Variants in ATP6V0A2 observed in about 807,000 individuals in gnomAD.
The protein encoded by ATP6V0A2 is V-type proton ATPase 116 kDa subunit a 2.
In ATP6V0A2, 58 loss-of-function variants were observed where a neutral mutation model predicts 104.4. The ratio of observed to expected loss-of-function variants is 0.56; its 90% CI spans 0.45 to 0.69. The LOEUF is 0.69. Ranked by LOEUF, ATP6V0A2 falls within the 30% of genes least tolerant of loss-of-function variation. The probability of loss-of-function intolerance (pLI) is 0.00; values close to 1 mark genes in which losing one functional copy is unlikely to be tolerated. For synonymous variants in ATP6V0A2, 376 were observed against 397.9 expected (o/e 0.95, Z 0.65); for missense variants, 938 against 1,062.9 (o/e 0.88, Z 1.63).
Position 123,712,456 on chromosome 12 carries a change from A to G in ATP6V0A2, c.-110A>G. The G allele has an allele frequency of 1.6e-6, 1 of 618,228 alleles. No individual in the cohort carries two copies. The highest frequency in any genetic ancestry group is 3.7e-5 in the East Asian group (1 of 26,908). The allele number at this position is 618,228 out of a possible 1,614,324, so 38.3% of individuals were successfully genotyped here. ...AGCCCCATAGTGCGGGGCCGCGGCC[A>G]GGCCACAGGAAGAGCTCGAGGCCCG... On this transcript the variant is annotated 5_prime_UTR_variant, in exon 1 of 20. Transcript: ENST00000330342.
At chr12:123,756,728 T>A in intron 18 of ATP6V0A2, 87 bp from the exon 19 acceptor site, 2 of 1,435,258 alleles carry the variant, frequency 1.4e-6, no homozygotes, top group Non-Finnish European at 2.0e-6. Context: ...TTCAGGGCCG[T>A]CAGGGGGAAA....
chr12:123,729,801 G>GTGAT (rs938518724), intron 6 of ATP6V0A2, among the ~76,000 whole-genome samples: 4 of 151,964 alleles, frequency 2.6e-5, no homozygotes, highest in Non-Finnish European at 5.9e-5. Context: ...AAATTTGGCT[G>GTGAT]TGATTGATTG....
rs80356753 is a variant in ATP6V0A2, at chr12:123,735,529, A to G, written c.732-2A>G. On this transcript the variant is annotated splice_acceptor_variant, in intron 7 of 19. Coordinates refer to ENST00000330342, the MANE Select transcript of ATP6V0A2 (RefSeq NM_012463.4). LOFTEE classifies it high-confidence loss of function. ...AGACTGTGTTCAACTCTTGTCTTCCAGCTACCACTGCCACGTGTACCCCTA... is the reference window on the plus strand; with the variant it reads ...AGACTGTGTTCAACTCTTGTCTTCCGGCTACCACTGCCACGTGTACCCCTA... The G allele has an allele frequency of 2.5e-6, 4 of 1,613,682 alleles. No homozygotes were observed. The highest frequency in any genetic ancestry group is 3.4e-6 in the Non-Finnish European group (4 of 1,179,658).
rs557202618 is a variant in ATP6V0A2, at chr12:123,740,960, T to A, written c.1039-2825T>A. On this transcript the variant is annotated intron_variant, in intron 9 of 19. Transcript: ENST00000330342. The stretch of plus-strand genomic sequence containing the variant: ...TTTTTCCTGTCCTGTATTTTTTTTT[T>A]AATTCTTTTAACTCCTTTTGAAACA... Among the ~76,000 whole-genome samples the A allele has an allele frequency of 2.6e-4, 39 of 152,294 alleles. No individual in the cohort carries two copies. The South Asian group carries it at 6.8e-3, about 27-fold the overall frequency.
Position 123,760,838 on chromosome 12 carries a change from T to C in ATP6V0A2, c.*2806T>C, listed in dbSNP as rs1425276155. 1 of 152,228 alleles carries C rather than the reference T, an allele frequency of 6.6e-6. No individual in the cohort carries two copies. The highest frequency in any genetic ancestry group is 1.5e-5 in the Non-Finnish European group (1 of 68,046). 9.4% of individuals were successfully genotyped at this position (152,228 alleles called of 1,614,324 possible). ...ACTCCTCTTTCGCTGAATGCTGCTC[T>C]GTTTCTGGAATGGATATTTTATAAC... On this transcript the variant is annotated 3_prime_UTR_variant, in exon 20 of 20. Transcript: ENST00000330342.
At chr12:123,727,747 T>C (rs1181707929) in intron 5 of ATP6V0A2, 36 bp from the exon 6 acceptor site, 1 of 1,613,282 alleles carries the variant, frequency 6.2e-7, no homozygotes, top group East Asian at 2.2e-5. Flanking sequence ...ATTTATTGCT[T>C]TCAGTTGACT....
At chr12:123,751,300 G>T (rs1593917653) in intron 16 of ATP6V0A2, 71 bp downstream of exon 16, 1 of 1,605,772 alleles carries the variant, frequency 6.2e-7, no homozygotes, top group East Asian at 2.2e-5. Context: ...GATTGGTGTA[G>T]AAAACACCTC....
chr12:123,748,631 T>C lies in ATP6V0A2; in HGVS notation c.1781T>C (p.Met594Thr), dbSNP rs1000621967. The stretch of plus-strand genomic sequence containing the variant: ...GTTTCCATCCCGGAACTTCTCTTCA[T>C]GCTCTGTATCTTTGGATACCTTATA... Reference protein sequence around the residue: ...YLVSIPELLFMLCIFGYLIFM... With the variant: ...YLVSIPELLFTLCIFGYLIFM... Residue 594 changes from methionine to threonine, a missense_variant, in exon 15 of 20, where the codon ATG becomes ACG. Physicochemically the swap from Met to Thr is moderately conservative, Grantham distance 81. Coordinates refer to ENST00000330342, the MANE Select transcript of ATP6V0A2 (RefSeq NM_012463.4). 6.2e-7 allele frequency: 1 copy of C among 1,614,106 alleles called. No individual in the cohort carries two copies. The highest frequency in any genetic ancestry group is 8.5e-7 in the Non-Finnish European group (1 of 1,180,034).
At position 123,744,822 on chromosome 12, in the gene ATP6V0A2, G is replaced by A. The variant is rs367682144; in HGVS notation, c.1514+38G>A. On this transcript the variant is annotated intron_variant, in intron 12 of 19. Coordinates refer to ENST00000330342, the MANE Select transcript of ATP6V0A2 (RefSeq NM_012463.4). This position sits in a 1 kb window ranked among gnomAD's most constrained non-coding sequence, Gnocchi z 5.4. ...TAGCTGGTGATGCTCTGGGTGGAAAGCATGTTTCCTAGACCTTCCTCCTCC... is the reference window on the plus strand; with the variant it reads ...TAGCTGGTGATGCTCTGGGTGGAAAACATGTTTCCTAGACCTTCCTCCTCC... 21 of 1,613,984 alleles carry A rather than the reference G, an allele frequency of 1.3e-5. No individual in the cohort carries two copies. The highest frequency in any genetic ancestry group is 3.3e-4 in the Middle Eastern group (2 of 6,084).
chr12:123,736,138 G>T (rs188489315), intron 8 of ATP6V0A2, among the ~76,000 whole-genome samples: 10 of 150,444 alleles, frequency 6.6e-5, no homozygotes, highest in South Asian at 2.1e-4. Context: ...CTCCTAAAGT[G>T]CTGGGATTAC....
At position 123,753,525 on chromosome 12, in the gene ATP6V0A2, C is replaced by T. The variant is rs1352055431; in HGVS notation, c.2176-895C>T. On this transcript the variant is annotated intron_variant, in intron 17 of 19. Transcript: ENST00000330342. Reference sequence around the variant, plus strand: ...TGTTTCTCCTGCTCTTCCCAGAAGACAGTAGTCACAGTGGGTCAGGGCCCA... The same window carrying T: ...TGTTTCTCCTGCTCTTCCCAGAAGATAGTAGTCACAGTGGGTCAGGGCCCA... 3.9e-5 allele frequency among the ~76,000 whole-genome samples: 6 copies of T among 152,252 alleles called. No homozygotes were observed. In the South Asian group the frequency reaches 1.2e-3, roughly 31 times the overall value.
intron 6 of ATP6V0A2, chr12:123,733,503 G>A (rs1019825096): frequency 1.9e-5 from 4 of 211,710 alleles, no homozygotes; most frequent in Middle Eastern, 1.8e-3. Context: ...CAGCTGTCTT[G>A]TGCTCAGGAC....
Position 123,748,782 on chromosome 12 carries a change from G to A in ATP6V0A2, c.1932G>A (p.Gly644=), listed in dbSNP as rs746314845. ...GTAAAACAAGTGGCCTTTACACAGG[G>A]CAGGTGAGTCATCTTCCCACCCTCA... is the stretch of plus-strand genomic sequence containing the variant. ...PASKTSGLYT[G]QEYVQRVLLV... is the part of the protein sequence containing the mutation. The change falls in exon 15 of 20, where the codon GGG becomes GGA. Residue 644 remains glycine (G), a synonymous_variant. Transcript: ENST00000330342. 1 of 1,613,316 alleles carries A rather than the reference G, an allele frequency of 6.2e-7. No individual in the cohort carries two copies. The highest frequency in any genetic ancestry group is 1.3e-5 in the African/African-American group (1 of 75,022).
At chr12:123,739,657 C>G (rs1007875837) in intron 9 of ATP6V0A2, among the ~76,000 whole-genome samples, 4 of 152,138 alleles carry the variant, frequency 2.6e-5, no homozygotes, top group African/African-American at 9.7e-5. Flanking sequence ...AAGCTCATTC[C>G]CTAGAGAAGC....
intron 1 of ATP6V0A2, among the ~76,000 whole-genome samples, chr12:123,717,604 C>A (rs1273641086): frequency 6.6e-6 from 1 of 151,892 alleles, no homozygotes; most frequent in Non-Finnish European, 1.5e-5. Context: ...ACCACCAGGC[C>A]TGGCTAATTT....
chr12:123,726,366 G>A, intron 5 of ATP6V0A2, 81 bp downstream of exon 5: 1 of 988,364 alleles, frequency 1.0e-6, no homozygotes, highest in South Asian at 1.3e-5. Context: ...AGGGATGAAT[G>A]GAGACCATTT....
At position 123,724,888 on chromosome 12, in the gene ATP6V0A2, A is replaced by G. The variant is rs1028780212; in HGVS notation, c.432+97A>G. On this transcript the variant is annotated intron_variant, in intron 4 of 19. Transcript: ENST00000330342. ...GCTGTGTATTTTGCTATTAGTTCAT[A>G]TAGATATGTTGCTTCTTTTAAGAGA... The G allele has an allele frequency of 1.4e-5, 13 of 943,484 alleles. No homozygotes were observed. The Admixed American group carries it at 2.3e-4, about 16-fold the overall frequency. The allele number at this position is 943,484 out of a possible 1,614,324, so 58.4% of individuals were successfully genotyped here.
At chr12:123,741,318 GCACGTGC>G (rs1336691134) in intron 9 of ATP6V0A2, among the ~76,000 whole-genome samples, 1 of 152,096 alleles carries the variant, frequency 6.6e-6, no homozygotes, top group African/African-American at 2.4e-5. Context: ...AGGCATGGTG[GCACGTGC>G]CTGTTATCCC....
At chr12:123,745,037 A>T (rs758922435) in intron 13 of ATP6V0A2, 65 bp downstream of exon 13, 20 of 1,495,174 alleles carry the variant, frequency 1.3e-5, no homozygotes, top group Non-Finnish European at 1.8e-5. Context: ...TTCGGGCGCC[A>T]CGAGTTTCTC....
Sources: allele counts gnomAD v4.1 joint callset (sites outside exome capture counted in the v4.1 genomes callset), GRCh38; gene constraint gnomAD v4.1.1; non-coding constraint Gnocchi (gnomAD v3.1); transcripts MANE v1.5; gene names NCBI Gene and HGNC (gene_info 2026-07-23, HGNC 2026-07-21).